Variants in ADAMTS6 observed in about 807,000 individuals in gnomAD.
ADAMTS6 encodes A disintegrin and metalloproteinase with thrombospondin motifs 6.
ADAMTS6 carries 23 observed loss-of-function variants against 144.3 expected under a neutral mutation model. That is an observed-to-expected ratio of 0.16 (90% CI 0.11 to 0.23). The LOEUF is 0.23. ADAMTS6 is among the 10% of genes least tolerant of loss of function. The pLI is 1.00. For missense variants in ADAMTS6, 999 were observed against 1,379.6 expected (o/e 0.72, Z 4.37); for synonymous variants, 444 against 457.5 (o/e 0.97, Z 0.38).
chr5:65,283,383 A>T (rs1371412225), intron 11 of ADAMTS6, among the ~76,000 whole-genome samples: 4 of 152,166 alleles, frequency 2.6e-5, no homozygotes, highest in Non-Finnish European at 4.4e-5. Context: ...AACTAAAAAA[A>T]CCCTTAATCC....
At chr5:65,411,259 CG>C (rs1418477809) in intron 7 of ADAMTS6, among the ~76,000 whole-genome samples, 7 of 152,096 alleles carry the variant, frequency 4.6e-5, no homozygotes, top group Non-Finnish European at 7.3e-5. Flanking sequence ...TGGGAGTGCA[CG>C]TATCTCTTCA....
chr5:65,275,416 A>G lies in ADAMTS6; in HGVS notation c.1513-1969T>C, dbSNP rs533184079. 2.6e-3 allele frequency among the ~76,000 whole-genome samples: 358 copies of G among 137,056 alleles called. 2 individuals are homozygous for G. Among genetic ancestry groups the G allele is most frequent in the African/African-American group, 9.3e-3 (329 of 35,240 alleles). 89.9% of individuals were successfully genotyped at this position (137,056 alleles called of 152,430 possible). On this transcript the variant is annotated intron_variant, in intron 11 of 24. Transcript: ENST00000381055. ...GAAAGAAAGAAAGAAAGAAAGAAAG[A>G]AAAGAAAGAAAGAAAGAAAAGAAAA...
intron 7 of ADAMTS6, among the ~76,000 whole-genome samples, chr5:65,348,889 T>G (rs1294937270): frequency 6.6e-6 from 1 of 152,098 alleles, no homozygotes; most frequent in African/African-American, 2.4e-5. Context: ...TACCAGCATA[T>G]AATGAAAATG....
At chr5:65,479,220 T>G (rs1761041908) in intron 1 of ADAMTS6, among the ~76,000 whole-genome samples, 1 of 152,184 alleles carries the variant, frequency 6.6e-6, no homozygotes, top group Non-Finnish European at 1.5e-5. Context: ...TCATTTCCAT[T>G]TATTCTCTCA....
At chr5:65,480,993 CATT>C (rs1480789744) in intron 1 of ADAMTS6, among the ~76,000 whole-genome samples, 3 of 152,154 alleles carry the variant, frequency 2.0e-5, no homozygotes, top group Admixed American at 6.5e-5. Context: ...ACACACACAT[CATT>C]ATTACCTTCC....
intron 12 of ADAMTS6, among the ~76,000 whole-genome samples, chr5:65,268,552 G>A (rs191934601): frequency 2.0e-5 from 3 of 152,210 alleles, no homozygotes; most frequent in Non-Finnish European, 2.9e-5. Flanking sequence ...CCAGCGCACC[G>A]TCTGGGCTCA....
At chr5:65,309,147 T>C (rs190876698) in intron 9 of ADAMTS6, among the ~76,000 whole-genome samples, 17 of 152,126 alleles carry the variant, frequency 1.1e-4, no homozygotes, top group Middle Eastern at 3.4e-3. Flanking sequence ...TTCAGGGTGA[T>C]TGAAGCACAT....
chr5:65,464,550 A>G (rs977834999), intron 3 of ADAMTS6, among the ~76,000 whole-genome samples: 3 of 152,244 alleles, frequency 2.0e-5, no homozygotes, highest in Admixed American at 6.5e-5. Flanking sequence ...ATTAAGAATT[A>G]GTAAAAATAA....
intron 7 of ADAMTS6, among the ~76,000 whole-genome samples, chr5:65,341,600 G>T (rs146376618): frequency 6.4e-4 from 98 of 152,092 alleles, no homozygotes; most frequent in African/African-American, 2.3e-3. Flanking sequence ...AAACCTAGAA[G>T]AAATGGATAA....
chr5:65,375,342 A>C (rs376583845), intron 7 of ADAMTS6, among the ~76,000 whole-genome samples: 17,793 of 151,286 alleles, frequency 0.12, 1,114 homozygotes, highest in African/African-American at 0.16. Context: ...AATGGGAGAA[A>C]ATTTTCACAA....
chr5:65,246,177 C>G (rs1252805896), intron 14 of ADAMTS6, among the ~76,000 whole-genome samples: 3 of 152,190 alleles, frequency 2.0e-5, no homozygotes, highest in Non-Finnish European at 2.9e-5. Flanking sequence ...TACTTTCAGT[C>G]AAAACCTGCT....
chr5:65,291,584 C>T (rs897129236), intron 10 of ADAMTS6, 114 bp from the exon 11 acceptor site: 1 of 1,098,742 alleles, frequency 9.1e-7, no homozygotes, highest in Non-Finnish European at 1.2e-6. Context: ...AAAAACAATA[C>T]ATTCTCCCAA....
intron 7 of ADAMTS6, among the ~76,000 whole-genome samples, chr5:65,398,733 G>C (rs1235240994): frequency 6.7e-6 from 1 of 149,818 alleles, no homozygotes; most frequent in Non-Finnish European, 1.5e-5. Flanking sequence ...GAGAGAGAGA[G>C]AGAAAGAGAG....
chr5:65,361,965 G>A (rs1749864405), intron 7 of ADAMTS6, among the ~76,000 whole-genome samples: 1 of 152,042 alleles, frequency 6.6e-6, no homozygotes, highest in Non-Finnish European at 1.5e-5. Context: ...AAACTCCTGG[G>A]CTCAAGCAAT....
chr5:65,170,487 T>C (rs2112069386), intron 24 of ADAMTS6, 130 bp downstream of exon 24: 1 of 1,043,914 alleles, frequency 9.6e-7, no homozygotes, highest in Non-Finnish European at 1.3e-6. Context: ...GCTGTCTGCA[T>C]ATAAGCAGCT....
intron 7 of ADAMTS6, among the ~76,000 whole-genome samples, chr5:65,360,085 G>C (rs1749684015): frequency 6.6e-6 from 1 of 152,158 alleles, no homozygotes; most frequent in South Asian, 2.1e-4. Context: ...ATAAAGAAAA[G>C]AGGTTGAATT....
chr5:65,348,413 A>T (rs1205394464), intron 7 of ADAMTS6, among the ~76,000 whole-genome samples: 1 of 152,168 alleles, frequency 6.6e-6, no homozygotes, highest in Non-Finnish European at 1.5e-5. Flanking sequence ...GCACAGAGGG[A>T]CAAATACTGT....
intron 11 of ADAMTS6, among the ~76,000 whole-genome samples, chr5:65,275,397 AAGAAAGAAAGAAAG>A (rs1201677462): frequency 4.8e-5 from 7 of 144,930 alleles, no homozygotes; most frequent in African/African-American, 1.6e-4. Flanking sequence ...GAAAGAAAGA[AAGAAAGAAAGAAAG>A]AAAGAAAAGA....
chr5:65,156,853 T>A (rs1752450951), intron 24 of ADAMTS6, among the ~76,000 whole-genome samples: 1 of 152,250 alleles, frequency 6.6e-6, no homozygotes. Context: ...AGACACCCTT[T>A]CTACCCTTTT....
Sources: allele counts gnomAD v4.1 joint callset (sites outside exome capture counted in the v4.1 genomes callset), GRCh38; gene constraint gnomAD v4.1.1; transcripts MANE v1.5; gene names NCBI Gene and HGNC (gene_info 2026-07-23, HGNC 2026-07-21).